Variants in LPAR4 observed in about 807,000 individuals in gnomAD.
LPAR4 encodes the protein lysophosphatidic acid receptor 4, also known as G-protein coupled receptor 23.
In LPAR4, 14 loss-of-function variants were observed where a neutral mutation model predicts 9.2. The observed-to-expected ratio is 1.51, with a 90% CI of 1.00 to 2.37. The LOEUF is 2.37. LPAR4 is among the 30% of genes most tolerant of loss of function. The probability of loss-of-function intolerance (pLI) is 0.00; values close to 1 mark genes in which losing one functional copy is unlikely to be tolerated. For synonymous variants in LPAR4, 131 were observed against 97.9 expected, an observed-to-expected ratio of 1.34 and a Z score of -1.99; for missense variants, 251 against 272.1, an observed-to-expected ratio of 0.92 and a Z score of 0.55.
chrX:78,755,474 C>T lies in LPAR4; in HGVS notation c.605C>T (p.Ser202Phe). The part of the protein sequence containing the change: ...FSKRVWKTYL[S>F]KITIFIEVVG... ...AAACGTGTCTGGAAGACTTATTTAT[C>T]CAAGATCACAATATTTATTGAAGTT... Residue 202 changes from serine to phenylalanine, a missense_variant, in exon 5 of 5, where the codon TCC (serine) becomes TTC (phenylalanine). Ser to Phe is a radical substitution (Grantham distance 155, BLOSUM62 -2). Transcript: ENST00000614823. The T allele has an allele frequency of 8.3e-7, 1 of 1,209,989 alleles. No individual in the cohort carries two copies. Among genetic ancestry groups the T allele is most frequent in the Non-Finnish European group, 1.1e-6 (1 of 894,377 alleles).
chrX:78,748,720 T>C (rs1924938113), intron 1 of LPAR4, among the ~76,000 whole-genome samples: 1 of 112,012 alleles, frequency 8.9e-6, no homozygotes. Context: ...TTTATCATTA[T>C]TTCAGTGTGG....
At position 78,756,775 on chromosome X, in the gene LPAR4, C is replaced by T. The variant is rs1294668462; in HGVS notation, c.*793C>T. ...CAACATATTTTTTCTTAAAATGTCA[C>T]GTTATCTTCATTTTGGGAAACTAGG... On this transcript the variant is annotated 3_prime_UTR_variant, in exon 5 of 5. Transcript: ENST00000614823. 1 of 121,606 alleles carries T rather than the reference C, an allele frequency of 8.2e-6. No individual in the cohort carries two copies. Among genetic ancestry groups the T allele is most frequent in the Non-Finnish European group, 1.9e-5 (1 of 52,788 alleles). 10.0% of individuals were successfully genotyped at this position (121,606 alleles called of 1,213,427 possible). A position where few individuals can be genotyped will look rare whatever the true frequency, so the allele number is the denominator to read the frequency against.
chrX:78,754,964 T>C lies in LPAR4; in HGVS notation c.95T>C (p.Ile32Thr), dbSNP rs1925219596. 3.3e-6 allele frequency: 4 copies of C among 1,207,580 alleles called. No homozygotes were observed. Among genetic ancestry groups the C allele is most frequent in the Non-Finnish European group, 4.5e-6 (4 of 892,029 alleles). The change falls in exon 5 of 5, where the codon ATT becomes ACT. Residue 32 changes from isoleucine (I) to threonine (T), a missense_variant. Physicochemically the swap from Ile to Thr is moderately conservative, Grantham distance 89. Coordinates refer to ENST00000614823, the MANE Select transcript of LPAR4 (RefSeq NM_001278000.3). Reference sequence around the variant, plus strand: ...AATGCTACTGCCAATAATACTTGCATTGTTGATGATTCCTTCAAGTATAAT... The same window carrying C: ...AATGCTACTGCCAATAATACTTGCACTGTTGATGATTCCTTCAAGTATAAT... Reference protein sequence around the residue: ...LGNATANNTCIVDDSFKYNLN... With the variant: ...LGNATANNTCTVDDSFKYNLN...
chrX:78,754,753 G>A, intron 4 of LPAR4, 38 bp from the exon 5 acceptor site: 1 of 581,375 alleles, frequency 1.7e-6, no homozygotes, highest in East Asian at 3.7e-5. Flanking sequence ...ATGGATGGAA[G>A]GCAAATTTGA....
At position 78,756,397 on chromosome X, in the gene LPAR4, T is replaced by C. The variant is rs760428685; in HGVS notation, c.*415T>C. On this transcript the variant is annotated 3_prime_UTR_variant, in exon 5 of 5. Transcript: ENST00000614823. Reference sequence around the variant, plus strand: ...ACTGATATATGCTAGTTTTATTTTATTTTTTTGAACTGTCATTGAGTTTAT... The same window carrying C: ...ACTGATATATGCTAGTTTTATTTTACTTTTTTGAACTGTCATTGAGTTTAT... 68 of 127,558 alleles carry C rather than the reference T, an allele frequency of 5.3e-4. No homozygotes were observed. The highest frequency in any genetic ancestry group is 1.9e-3 in the African/African-American group (58 of 31,030). The allele number at this position is 127,558 out of a possible 1,213,427, so 10.5% of individuals were successfully genotyped here. A position where few individuals can be genotyped will look rare whatever the true frequency, so the allele number is the denominator to read the frequency against.
In LPAR4 at chrX:78,757,905, GAAC is replaced by G. The variant is rs1251216487; in HGVS notation, c.*1926_*1928del. Among the ~76,000 whole-genome samples the G allele has an allele frequency of 9.0e-6, 1 of 111,704 alleles. No individual in the cohort carries two copies. The highest frequency in any genetic ancestry group is 1.9e-5 in the Non-Finnish European group (1 of 52,984). On this transcript the variant is annotated 3_prime_UTR_variant, in exon 5 of 5. Coordinates refer to ENST00000614823, the MANE Select transcript of LPAR4 (RefSeq NM_001278000.3). The stretch of plus-strand genomic sequence containing the variant: ...AGTGGTTAAACAATTATAAAGCACA[GAAC>G]AATAACAAAAAAGTAAAACTTCTAA...
At position 78,758,466 on chromosome X, in the gene LPAR4, A is replaced by C; in HGVS notation, c.*2484A>C. 9.0e-6 allele frequency among the ~76,000 whole-genome samples: 1 copy of C among 111,479 alleles called. No individual in the cohort carries two copies. The highest frequency in any genetic ancestry group is 1.9e-5 in the Non-Finnish European group (1 of 52,931). Reference sequence around the variant, plus strand: ...AAGTTGAAATAAAATATATTATTAAATGTTTCTTGTGTAATTTCCATGTTT... The same window carrying C: ...AAGTTGAAATAAAATATATTATTAACTGTTTCTTGTGTAATTTCCATGTTT... On this transcript the variant is annotated 3_prime_UTR_variant, in exon 5 of 5. Transcript: ENST00000614823.
Position 78,755,655 on chromosome X carries a change from T to G in LPAR4, c.786T>G (p.Phe262Leu). 1 of 1,209,180 alleles carries G rather than the reference T, an allele frequency of 8.3e-7. No individual in the cohort carries two copies. The highest frequency in any genetic ancestry group is 1.8e-5 in the South Asian group (1 of 56,916). ...ATATGGCAGTCTTTGTGGTATGCTTTGTACCCTACAACTCTGTCCTCTTCT... is the reference window on the plus strand; with the variant it reads ...ATATGGCAGTCTTTGTGGTATGCTTGGTACCCTACAACTCTGTCCTCTTCT... ...TVHMAVFVVC[F>L]VPYNSVLFLY... Residue 262 changes from phenylalanine to leucine, a missense_variant, in exon 5 of 5, where the codon TTT (phenylalanine) becomes TTG (leucine). By Grantham distance (22) the Phe-to-Leu change is conservative (BLOSUM62 0). Coordinates refer to ENST00000614823, the MANE Select transcript of LPAR4 (RefSeq NM_001278000.3).
chrX:78,754,454 A>G (rs1488312676), intron 4 of LPAR4, among the ~76,000 whole-genome samples: 1 of 111,951 alleles, frequency 8.9e-6, no homozygotes, highest in African/African-American at 3.2e-5. Context: ...CAAGCCGATC[A>G]TAGTGAATAA....
intron 4 of LPAR4, 109 bp downstream of exon 4, chrX:78,751,420 G>A (rs1481025185): frequency 9.0e-6 from 1 of 111,650 alleles, no homozygotes; most frequent in African/African-American, 3.2e-5. Context: ...GTAACAAATA[G>A]TTCCAACTTT....
rs1925352566 is a variant in LPAR4 at position 78,757,417 on chromosome X, A to T, written c.*1435A>T. 8.9e-6 allele frequency among the ~76,000 whole-genome samples: 1 copy of T among 111,917 alleles called. No individual in the cohort carries two copies. The highest frequency in any genetic ancestry group is 3.2e-5 in the African/African-American group (1 of 30,910). ...AAACTTACAAAACACTATAACATTC[A>T]TATAATGCTTTGGATCAAATTGCAA... On this transcript the variant is annotated 3_prime_UTR_variant, in exon 5 of 5. Coordinates refer to ENST00000614823, the MANE Select transcript of LPAR4 (RefSeq NM_001278000.3).
At chrX:78,748,398 G>T (rs182864025) in intron 1 of LPAR4, among the ~76,000 whole-genome samples, 1 of 111,609 alleles carries the variant, frequency 9.0e-6, no homozygotes, top group Non-Finnish European at 1.9e-5. Context: ...ATTATGATGA[G>T]GTTTCTTCTA....
At position 78,757,113 on chromosome X, in the gene LPAR4, C is replaced by T. The variant is rs1925336310; in HGVS notation, c.*1131C>T. The T allele has an allele frequency of 8.4e-6, 1 of 119,269 alleles. No homozygotes were observed. Among genetic ancestry groups the T allele is most frequent in the East Asian group, 2.9e-4 (1 of 3,497 alleles). 9.8% of individuals were successfully genotyped at this position (119,269 alleles called of 1,213,427 possible). On this transcript the variant is annotated 3_prime_UTR_variant, in exon 5 of 5. Coordinates refer to ENST00000614823, the MANE Select transcript of LPAR4 (RefSeq NM_001278000.3). The stretch of plus-strand genomic sequence containing the variant: ...AAAACAACACATAAACTAAACCAAA[C>T]CAAAACAAAAAAACCAGAGAACCCC...
In LPAR4 at chrX:78,751,300, C is replaced by T. The variant is rs1213296345; in HGVS notation, c.-91C>T. 9.0e-6 allele frequency: 1 copy of T among 110,930 alleles called. No individual in the cohort carries two copies. The highest frequency in any genetic ancestry group is 3.3e-5 in the African/African-American group (1 of 30,560). The allele number at this position is 110,930 out of a possible 1,213,427, so 9.1% of individuals were successfully genotyped here. Reference sequence around the variant, plus strand: ...ATAAAATTGGTGCCAGGATTTGGTTCGAACTAATGTGGTGAGTCCTACCCT... The same window carrying T: ...ATAAAATTGGTGCCAGGATTTGGTTTGAACTAATGTGGTGAGTCCTACCCT... On this transcript the variant is annotated 5_prime_UTR_variant, in exon 4 of 5. Transcript: ENST00000614823.
chrX:78,755,441 G>T lies in LPAR4; in HGVS notation c.572G>T (p.Gly191Val), dbSNP rs751323010. 3.3e-6 allele frequency: 4 copies of T among 1,209,276 alleles called. No individual in the cohort carries two copies. The highest frequency in any genetic ancestry group is 4.5e-6 in the Non-Finnish European group (4 of 893,687). Residue 191 changes from glycine to valine, a missense_variant, in exon 5 of 5, where the codon GGC (glycine) becomes GTC (valine). Coordinates refer to ENST00000614823, the MANE Select transcript of LPAR4 (RefSeq NM_001278000.3). ...VNNATTTCFE[G>V]FSKRVWKTYL... is the part of the protein sequence containing the mutation. ...AATGCAACCACCACCTGCTTTGAAG[G>T]CTTCTCCAAACGTGTCTGGAAGACT...
Position 78,757,013 on chromosome X carries a change from T to C in LPAR4, c.*1031T>C, listed in dbSNP as rs1355335861. 1.7e-5 allele frequency: 2 copies of C among 121,116 alleles called. No individual in the cohort carries two copies. Among genetic ancestry groups the C allele is most frequent in the South Asian group, 7.6e-4 (2 of 2,619 alleles). The allele number at this position is 121,116 out of a possible 1,213,427, so 10.0% of individuals were successfully genotyped here. On this transcript the variant is annotated 3_prime_UTR_variant, in exon 5 of 5. Coordinates refer to ENST00000614823, the MANE Select transcript of LPAR4 (RefSeq NM_001278000.3). ...ATAACCTGAAAATACTTATTCTTTC[T>C]TATCGAATTTTGGAGCCTAATATAG...
chrX:78,750,082 A>T (rs1207615319), intron 1 of LPAR4, 92 bp from the exon 2 acceptor site: 1 of 111,982 alleles, frequency 8.9e-6, no homozygotes. Flanking sequence ...TATAATCGTT[A>T]TCAACTGTGA....
Position 78,755,560 on chromosome X carries a change from C to G in LPAR4, c.691C>G (p.Leu231Val). 8.3e-7 allele frequency: 1 copy of G among 1,209,521 alleles called. No homozygotes were observed. The highest frequency in any genetic ancestry group is 3.0e-5 in the East Asian group (1 of 33,811). The stretch of plus-strand genomic sequence containing the variant: ...TTGCTCTTCTGTGGTGCTGAGAACT[C>G]TTCGCAAGCCTGCTACTCTGTCTCA... ...VSCSSVVLRTLRKPATLSQIG... is the reference protein window; with the variant it reads ...VSCSSVVLRTVRKPATLSQIG... The change falls in exon 5 of 5, where the codon CTT becomes GTT. Residue 231 changes from leucine (L) to valine (V), a missense_variant. Leu to Val is a conservative substitution (Grantham distance 32, BLOSUM62 1). Coordinates refer to ENST00000614823, the MANE Select transcript of LPAR4 (RefSeq NM_001278000.3).
rs1170157008 is a variant in LPAR4, at chrX:78,756,905, G to A, written c.*923G>A. 8.3e-6 allele frequency: 1 copy of A among 121,056 alleles called. No individual in the cohort carries two copies. Among genetic ancestry groups the A allele is most frequent in the African/African-American group, 3.3e-5 (1 of 30,300 alleles). 10.0% of individuals were successfully genotyped at this position (121,056 alleles called of 1,213,427 possible). A position where few individuals can be genotyped will look rare whatever the true frequency, so the allele number is the denominator to read the frequency against. ...GGAGCAAATTGAAAAAAAAAATAAA[G>A]TAATACAAAAAAATCAAACTATAAA... On this transcript the variant is annotated 3_prime_UTR_variant, in exon 5 of 5. Transcript: ENST00000614823.
Sources: gnomAD v4.1 joint callset for allele counts (sites outside exome capture counted in the v4.1 genomes callset) on GRCh38, gnomAD v4.1.1 for gene constraint, MANE v1.5 for transcripts, NCBI Gene and HGNC (gene_info 2026-07-23, HGNC 2026-07-21) for gene names.